WWC2: variants seen among roughly 807,000 people sequenced by gnomAD.
The protein encoded by WWC2 is protein WWC2.
WWC2 carries 101 observed loss-of-function variants against 138.5 expected under a neutral mutation model. That is an observed-to-expected ratio of 0.73 (90% CI 0.62 to 0.86). WWC2 has a LOEUF of 0.86. WWC2 is among the 40% of genes least tolerant of loss of function. The pLI, the probability that WWC2 is intolerant of heterozygous loss-of-function variation, is 0.00. For synonymous variants in WWC2, 558 were observed against 538.4 expected (o/e 1.04, Z -0.50); for missense variants, 1,420 against 1,419.4 (o/e 1.00, Z -0.01).
intron 16 of WWC2, among the ~76,000 whole-genome samples, chr4:183,274,868 A>G (rs1737799362): frequency 6.6e-6 from 1 of 152,208 alleles, no homozygotes; most frequent in African/African-American, 2.4e-5. Flanking sequence ...TAATGATCAA[A>G]TCAGGGTAAA....
intron 6 of WWC2, 67 bp from the exon 7 acceptor site, chr4:183,248,646 CA>C: frequency 7.0e-7 from 1 of 1,433,344 alleles, no homozygotes; most frequent in Non-Finnish European, 9.3e-7. Flanking sequence ...CTTTTAATTT[CA>C]CCTGGTAGGG....
intron 4 of WWC2, among the ~76,000 whole-genome samples, chr4:183,215,793 A>C (rs1028511379): frequency 2.0e-5 from 3 of 152,208 alleles, no homozygotes; most frequent in Non-Finnish European, 4.4e-5. Context: ...TAGCTAAGCT[A>C]CCATGTCAAT....
chr4:183,253,322 A>G (rs1009627191), intron 8 of WWC2, among the ~76,000 whole-genome samples: 1 of 152,116 alleles, frequency 6.6e-6, no homozygotes, highest in African/African-American at 2.4e-5. Context: ...CATTGGAATA[A>G]AATGTATAGT....
At chr4:183,300,959 T>G (rs1264121300) in intron 21 of WWC2, among the ~76,000 whole-genome samples, 1 of 152,188 alleles carries the variant, frequency 6.6e-6, no homozygotes, top group African/African-American at 2.4e-5. Flanking sequence ...ATTTCCTATC[T>G]GATAAAATCA....
chr4:183,311,093 T>G (rs1739199325), intron 21 of WWC2, among the ~76,000 whole-genome samples: 2 of 152,184 alleles, frequency 1.3e-5, no homozygotes, highest in African/African-American at 4.8e-5. Context: ...TGTTTGCTCT[T>G]CACCAACTTA....
At chr4:183,188,457 T>C (rs1474978887) in intron 1 of WWC2, among the ~76,000 whole-genome samples, 1 of 152,038 alleles carries the variant, frequency 6.6e-6, no homozygotes, top group Non-Finnish European at 1.5e-5. Context: ...AAGCTGGTCT[T>C]GAACTCCTGA....
intron 6 of WWC2, among the ~76,000 whole-genome samples, chr4:183,246,012 A>C (rs563538078): frequency 5.9e-5 from 9 of 152,288 alleles, no homozygotes; most frequent in African/African-American, 1.9e-4. Context: ...CTGGGGTGCC[A>C]GCTAAGGGTG....
chr4:183,241,785 G>T (rs1013379931), intron 5 of WWC2, among the ~76,000 whole-genome samples: 1 of 151,940 alleles, frequency 6.6e-6, no homozygotes, highest in Non-Finnish European at 1.5e-5. Flanking sequence ...CGTGGTGGGG[G>T]TGGGGAGAGA....
At chr4:183,105,419 G>A (rs940831980) in intron 1 of WWC2, among the ~76,000 whole-genome samples, 1 of 152,206 alleles carries the variant, frequency 6.6e-6, no homozygotes, top group Non-Finnish European at 1.5e-5. Context: ...AGGAAAATGA[G>A]ATTATCACTT....
At position 183,270,936 on chromosome 4, in the gene WWC2, A is replaced by T. The variant is rs536215228; in HGVS notation, c.2401-144A>T. Reference sequence around the variant, plus strand: ...TCCCCATGTTTTAAAAAATCCAGCAATGCTTTATGTCAGGAGAATTGTGTT... The same window carrying T: ...TCCCCATGTTTTAAAAAATCCAGCATTGCTTTATGTCAGGAGAATTGTGTT... On this transcript the variant is annotated intron_variant, in intron 15 of 22. Transcript: ENST00000403733. The T allele has an allele frequency of 9.9e-6, 7 of 705,592 alleles. No homozygotes were observed. In the South Asian group the frequency reaches 2.2e-4, roughly 22 times the overall value. The allele number at this position is 705,592 out of a possible 1,614,324, so 43.7% of individuals were successfully genotyped here.
rs55750701 is a variant in WWC2 at position 183,306,881 on chromosome 4, C to CAAAAAAAAAAAAAAAA, written c.3385-5459_3385-5444dup. On this transcript the variant is annotated intron_variant, in intron 21 of 22. Transcript: ENST00000403733. ...CTAACAGCACCAACTATATATGAGG[C>CAAAAAAAAAAAAAAAA]AAAAAAAAAAAAAAAACTACAAGGA... Among the ~76,000 whole-genome samples the CAAAAAAAAAAAAAAAA allele has an allele frequency of 8.8e-4, 75 of 85,080 alleles. 1 individual carries two copies. The highest frequency in any genetic ancestry group is 1.3e-3 in the Non-Finnish European group (57 of 43,990). 55.8% of individuals were successfully genotyped at this position (85,080 alleles called of 152,430 possible). A position where few individuals can be genotyped will look rare whatever the true frequency, so the allele number is the denominator to read the frequency against.
chr4:183,186,590 G>A (rs1289748011), intron 1 of WWC2, among the ~76,000 whole-genome samples: 2 of 147,674 alleles, frequency 1.4e-5, no homozygotes, highest in South Asian at 2.3e-4. Context: ...TTAACCATAT[G>A]AGAAGAGATA....
chr4:183,143,446 T>C (rs1315468280), intron 1 of WWC2, among the ~76,000 whole-genome samples: 3 of 152,182 alleles, frequency 2.0e-5, no homozygotes, highest in African/African-American at 7.2e-5. Flanking sequence ...TGAACCCTGT[T>C]TGGATAATTA....
intron 1 of WWC2, among the ~76,000 whole-genome samples, chr4:183,161,099 T>A (rs1481834351): frequency 6.6e-6 from 1 of 152,088 alleles, no homozygotes; most frequent in Non-Finnish European, 1.5e-5. Context: ...TAAACGATCA[T>A]GGGTTACAGT....
At chr4:183,244,971 G>A (rs1441717621) in intron 5 of WWC2, among the ~76,000 whole-genome samples, 10 of 151,994 alleles carry the variant, frequency 6.6e-5, no homozygotes, top group South Asian at 2.1e-4. Flanking sequence ...AATCTTAGCC[G>A]CCTGTGATTA....
Position 183,264,962 on chromosome 4 carries a change from A to ACCCTC in WWC2, c.1910-9_1910-5dup. 6.2e-7 allele frequency: 1 copy of ACCCTC among 1,608,004 alleles called. No individual in the cohort carries two copies. ...ATAAGACATTCTGATTAGTGCTCTC[A>ACCCTC]CCCTCCCCTCCATAGATGTGGAAAA... On this transcript the variant is annotated splice_polypyrimidine_tract_variant and intron_variant, in intron 11 of 22. Coordinates refer to ENST00000403733, the MANE Select transcript of WWC2 (RefSeq NM_024949.6).
chr4:183,320,158 A>G lies in WWC2; in HGVS notation c.*4429A>G. On this transcript the variant is annotated 3_prime_UTR_variant, in exon 23 of 23. Transcript: ENST00000403733. ...TAGTTTGTAAGACAGGATAAAACCC[A>G]TCCCAGCAAAGATAATGAAACTCCA... 1 of 1,614,134 alleles carries G rather than the reference A, an allele frequency of 6.2e-7. No individual in the cohort carries two copies. Among genetic ancestry groups the G allele is most frequent in the Non-Finnish European group, 8.5e-7 (1 of 1,180,010 alleles).
chr4:183,137,023 A>G (rs1370536983), intron 1 of WWC2, among the ~76,000 whole-genome samples: 1 of 152,224 alleles, frequency 6.6e-6, no homozygotes, highest in Non-Finnish European at 1.5e-5. Context: ...ATATCTAAAC[A>G]TAGAAAAAGT....
At chr4:183,142,828 G>T (rs1218857653) in intron 1 of WWC2, among the ~76,000 whole-genome samples, 1 of 152,194 alleles carries the variant, frequency 6.6e-6, no homozygotes, top group Non-Finnish European at 1.5e-5. Flanking sequence ...TGTGGGCTGG[G>T]TGGTTTTACT....
Sources: gnomAD v4.1 joint callset for allele counts (sites outside exome capture counted in the v4.1 genomes callset) on GRCh38, gnomAD v4.1.1 for gene constraint, MANE v1.5 for transcripts, NCBI Gene and HGNC (gene_info 2026-07-23, HGNC 2026-07-21) for gene names.